Variants in COG6 observed in about 807,000 individuals in gnomAD.
COG6 encodes conserved oligomeric Golgi complex subunit 6.
Under a neutral mutation model 88.8 loss-of-function variants are expected in COG6, and 74 were observed. The ratio of observed to expected loss-of-function variants is 0.83; its 90% CI spans 0.69 to 1.01. The LOEUF (loss-of-function observed/expected upper bound fraction) is 1.01, where lower values mean the gene tolerates loss of function less well. Ranked by LOEUF, COG6 falls within the 50% of genes least tolerant of loss-of-function variation. The probability of loss-of-function intolerance (pLI) is 0.00; values close to 1 mark genes in which losing one functional copy is unlikely to be tolerated. For missense variants in COG6, 800 were observed against 797.9 expected, an observed-to-expected ratio of 1.00 and a Z score of -0.03; for synonymous variants, 286 against 278.7, an observed-to-expected ratio of 1.03 and a Z score of -0.26.
intron 3 of COG6, among the ~76,000 whole-genome samples, chr13:39,661,923 T>C (rs886169533): frequency 6.6e-6 from 1 of 151,800 alleles, no homozygotes; most frequent in East Asian, 1.9e-4. Flanking sequence ...GTTTTTTAAA[T>C]AACATTATGC....
At chr13:39,668,019 A>T (rs778384534) in intron 4 of COG6, among the ~76,000 whole-genome samples, 50 of 152,060 alleles carry the variant, frequency 3.3e-4, no homozygotes, top group East Asian at 1.4e-3. Flanking sequence ...CTTTTTTTTT[A>T]AAATCACTGG....
chr13:39,716,240 A>G (rs1218265663), intron 13 of COG6, among the ~76,000 whole-genome samples: 1 of 151,940 alleles, frequency 6.6e-6, no homozygotes, highest in Admixed American at 6.6e-5. Flanking sequence ...CATTATCAGA[A>G]TCTTTTATTT....
At chr13:39,741,065 A>G (rs1880016098) in intron 18 of COG6, among the ~76,000 whole-genome samples, 1 of 152,228 alleles carries the variant, frequency 6.6e-6, no homozygotes, top group Non-Finnish European at 1.5e-5. Context: ...AAGCTCACTG[A>G]TTTTTGGAAG....
At chr13:39,757,404 TAAAAG>T (rs1266169415), downstream of COG6, among the ~76,000 whole-genome samples, 1 of 150,568 alleles carries the variant, frequency 6.6e-6, no homozygotes, top group Non-Finnish European at 1.5e-5. Context: ...TTAAGAAACA[TAAAAG>T]AAGAGCAAAC....
chr13:39,786,899 C>T (rs1881789174), intron 18 of COG6, among the ~76,000 whole-genome samples: 1 of 152,142 alleles, frequency 6.6e-6, no homozygotes, highest in African/African-American at 2.4e-5. Context: ...ATCCATAATA[C>T]AATAACTATA....
chr13:39,723,279 A>G (rs1878946429), intron 15 of COG6, 54 bp from the exon 16 acceptor site: 1 of 1,110,950 alleles, frequency 9.0e-7, no homozygotes, highest in African/African-American at 1.5e-5. Context: ...CACTGCATCT[A>G]CTCTCATCAG....
chr13:39,676,815 G>T (rs1266937669), intron 4 of COG6, among the ~76,000 whole-genome samples: 1 of 152,132 alleles, frequency 6.6e-6, no homozygotes, highest in East Asian at 1.9e-4. Context: ...TAACTTGCCT[G>T]TGGGTATTGA....
intron 7 of COG6, among the ~76,000 whole-genome samples, chr13:39,681,388 G>GT (rs1876305160): frequency 6.6e-6 from 1 of 151,908 alleles, no homozygotes; most frequent in Non-Finnish European, 1.5e-5. Flanking sequence ...TATCTCACTA[G>GT]TTTTCTACTT....
intron 13 of COG6, among the ~76,000 whole-genome samples, chr13:39,708,927 CTTAAA>C (rs1342707523): frequency 2.6e-5 from 4 of 151,982 alleles, no homozygotes; most frequent in African/African-American, 7.2e-5. Flanking sequence ...TATAGCCTTT[CTTAAA>C]TTAAAGATTC....
At chr13:39,723,524 C>G in intron 16 of COG6, 84 bp downstream of exon 16, 1 of 808,088 alleles carries the variant, frequency 1.2e-6, no homozygotes, top group Non-Finnish European at 2.2e-6. Flanking sequence ...GGATTCTTGG[C>G]TCTACCACAT....
intron 18 of COG6, among the ~76,000 whole-genome samples, chr13:39,783,607 A>G (rs574308558): frequency 1.3e-5 from 2 of 152,290 alleles, no homozygotes; most frequent in South Asian, 4.1e-4. Flanking sequence ...ATTGAAAAGG[A>G]CAATACTTCC....
At chr13:39,763,154 CT>C (rs991326590) in intron 18 of COG6, among the ~76,000 whole-genome samples, 1 of 151,624 alleles carries the variant, frequency 6.6e-6, no homozygotes, top group Admixed American at 6.6e-5. Flanking sequence ...ATTATTTTCC[CT>C]TTCTGTATAA....
intron 4 of COG6, among the ~76,000 whole-genome samples, chr13:39,672,045 T>TATGTCTACATAACCATAAAGTGTAGAC (rs1875678949): frequency 6.6e-6 from 1 of 151,982 alleles, no homozygotes; most frequent in Non-Finnish European, 1.5e-5. Context: ...TCTACATGGT[T>TATGTCTACATAACCATAAAGTGTAGAC]ACTTTAACAT....
chr13:39,791,197 G>A (rs928152210), exon 19 of COG6: 2 of 152,000 alleles, frequency 1.3e-5, no homozygotes, highest in Non-Finnish European at 2.9e-5. Context: ...GATAGATTTA[G>A]ATAGACATAT....
At chr13:39,787,347 T>C (rs964955732) in intron 18 of COG6, among the ~76,000 whole-genome samples, 7 of 152,150 alleles carry the variant, frequency 4.6e-5, no homozygotes, top group Non-Finnish European at 7.4e-5. Context: ...GCTTTAGCAT[T>C]TAACTGGATT....
intron 14 of COG6, 109 bp downstream of exon 14, chr13:39,719,476 G>T: frequency 8.1e-7 from 1 of 1,240,118 alleles, no homozygotes; most frequent in Non-Finnish European, 1.1e-6. Context: ...CTTTCTTACT[G>T]TTAATTTTCC....
chr13:39,702,054 G>T (rs1482992980), intron 13 of COG6, among the ~76,000 whole-genome samples: 1 of 152,008 alleles, frequency 6.6e-6, no homozygotes, highest in Admixed American at 6.6e-5. Flanking sequence ...AAAACTTAGA[G>T]AGTACCATGT....
intron 4 of COG6, among the ~76,000 whole-genome samples, chr13:39,667,905 C>A (rs1180060401): frequency 1.3e-5 from 2 of 152,076 alleles, no homozygotes; most frequent in African/African-American, 4.8e-5. Flanking sequence ...TTATATATTG[C>A]TGCTGAGTTT....
intron 18 of COG6, among the ~76,000 whole-genome samples, chr13:39,782,178 C>T (rs1471505124): frequency 1.3e-5 from 2 of 152,180 alleles, no homozygotes; most frequent in Non-Finnish European, 2.9e-5. Context: ...CTAGAAACCT[C>T]GCTCTTTTCA....
Sources: gnomAD v4.1 joint callset for allele counts (sites outside exome capture counted in the v4.1 genomes callset) on GRCh38, gnomAD v4.1.1 for gene constraint, MANE v1.5 for transcripts, NCBI Gene and HGNC (gene_info 2026-07-23, HGNC 2026-07-21) for gene names.